The following DDR1 variants were observed in gnomAD, a reference collection of about 807,000 sequenced individuals.
The protein encoded by DDR1 is epithelial discoidin domain-containing receptor 1.
A neutral mutation model predicts 97.4 loss-of-function variants in DDR1; 64 were observed. That is an observed-to-expected ratio of 0.66 (90% CI 0.54 to 0.81). The LOEUF is 0.81. Ranked by LOEUF, DDR1 falls within the 30% of genes least tolerant of loss-of-function variation. The probability of loss-of-function intolerance (pLI) is 0.00; values close to 1 mark genes in which losing one functional copy is unlikely to be tolerated. For synonymous variants in DDR1, 458 were observed against 503.7 expected, an observed-to-expected ratio of 0.91 and a Z score of 1.21; for missense variants, 990 against 1,259.6, an observed-to-expected ratio of 0.79 and a Z score of 3.24.
rs764775490 is a variant in DDR1, at chr6:30,899,006, C to T, written c.2570C>T (p.Ala857Val). 2.2e-5 allele frequency: 35 copies of T among 1,613,738 alleles called. No homozygotes were observed. The highest frequency in any genetic ancestry group is 1.6e-4 in the Middle Eastern group (1 of 6,082). ...ACCGACGAGCAGGTCATCGAGAACG[C>T]GGGGGAGTTCTTCCGGGACCAGGGC... ...QLTDEQVIENAGEFFRDQGRQ... is the reference protein window; with the variant it reads ...QLTDEQVIENVGEFFRDQGRQ... The change falls in exon 17 of 18, where the codon GCG (alanine) becomes GTG (valine). Residue 857 changes from alanine to valine, a missense_variant. Physicochemically the swap from Ala to Val is moderately conservative, Grantham distance 64. Transcript: ENST00000376568.
At chr6:30,885,321 C>G in intron 1 of DDR1, 2 of 1,478,694 alleles carry the variant, frequency 1.4e-6, no homozygotes, top group Non-Finnish European at 1.8e-6. Flanking sequence ...GAGGCAGGCG[C>G]CCAAGCTCGC....
Position 30,888,591 on chromosome 6 carries a change from C to T in DDR1, c.-42-97C>T, listed in dbSNP as rs1220306939. 35 of 1,327,714 alleles carry T rather than the reference C, an allele frequency of 2.6e-5. No homozygotes were observed. The highest frequency in any genetic ancestry group is 7.1e-6 in the Non-Finnish European group (7 of 979,788). 82.2% of individuals were successfully genotyped at this position (1,327,714 alleles called of 1,614,324 possible). On this transcript the variant is annotated intron_variant, in intron 1 of 17. Coordinates refer to ENST00000376568, the MANE Select transcript of DDR1 (RefSeq NM_001297654.2). This position sits in a 1 kb window ranked among gnomAD's most constrained non-coding sequence, Gnocchi z 4.2. The stretch of plus-strand genomic sequence containing the variant: ...AACAATGACTGTTGTTGTTGTTTTA[C>T]TGTTATTATCCCCAAAGCGGCCCAT...
Position 30,890,776 on chromosome 6 carries a change from C to T in DDR1, c.418-197C>T, listed in dbSNP as rs1344387671. 1.5e-5 allele frequency: 8 copies of T among 538,668 alleles called. No homozygotes were observed. Among genetic ancestry groups the T allele is most frequent in the East Asian group, 3.2e-5 (1 of 30,860 alleles). The allele number at this position is 538,668 out of a possible 1,614,324, so 33.4% of individuals were successfully genotyped here. On this transcript the variant is annotated intron_variant, in intron 4 of 17. Transcript: ENST00000376568. The surrounding 1 kb of genome is among the most constrained non-coding windows in gnomAD (Gnocchi z 5.0). ...GTCTGAGGATGGAACATCAGAGCTG[C>T]GACAGAGCCAGAGGTCTCAGCTGCA...
chr6:30,885,022 G>T, intron 1 of DDR1: 1 of 582,398 alleles, frequency 1.7e-6, no homozygotes. Context: ...CTCCTGTGCA[G>T]CCCCACTGAG....
chr6:30,892,031 C>G lies in DDR1; in HGVS notation c.695C>G (p.Ala232Gly). The G allele has an allele frequency of 6.2e-7, 1 of 1,614,052 alleles. No homozygotes were observed. The highest frequency in any genetic ancestry group is 8.5e-7 in the Non-Finnish European group (1 of 1,179,974). Reference sequence around the variant, plus strand: ...CAGTATGGGGGTCTGGGCCAGCTGGCAGATGGTGTGGTGGGGCTGGATGAC... The same window carrying G: ...CAGTATGGGGGTCTGGGCCAGCTGGGAGATGGTGTGGTGGGGCTGGATGAC... ...GLQYGGLGQL[A>G]DGVVGLDDFR... is the part of the protein sequence containing the mutation. Residue 232 changes from alanine to glycine, a missense_variant, in exon 7 of 18, where the codon GCA becomes GGA. Transcript: ENST00000376568.
In DDR1 at chr6:30,891,811, C is replaced by T. The variant is rs1358817748; in HGVS notation, c.666-191C>T. ...GTGCTGGATGTGACCTGCAAGGTAC[C>T]TGTAGTGCTGGGGTGGGGTGGAGAG... is the stretch of plus-strand genomic sequence containing the variant. On this transcript the variant is annotated intron_variant, in intron 6 of 17. Coordinates refer to ENST00000376568, the MANE Select transcript of DDR1 (RefSeq NM_001297654.2). The surrounding 1 kb of genome is among the most constrained non-coding windows in gnomAD (Gnocchi z 5.3). Among the ~76,000 whole-genome samples, 1 of 152,028 alleles carries T rather than the reference C, an allele frequency of 6.6e-6. No homozygotes were observed. The highest frequency in any genetic ancestry group is 2.4e-5 in the African/African-American group (1 of 41,360).
chr6:30,891,869 G>A lies in DDR1; in HGVS notation c.666-133G>A. ...GGGCCAGCTGCATGAGTGTGAGGTG[G>A]GATGGGAATGGGACTAGTGGATGGG... On this transcript the variant is annotated intron_variant, in intron 6 of 17. Transcript: ENST00000376568. The surrounding 1 kb of genome is among the most constrained non-coding windows in gnomAD (Gnocchi z 5.3). 1.1e-6 allele frequency: 1 copy of A among 935,466 alleles called. No individual in the cohort carries two copies. The highest frequency in any genetic ancestry group is 1.7e-6 in the Non-Finnish European group (1 of 593,380). The allele number at this position is 935,466 out of a possible 1,614,324, so 57.9% of individuals were successfully genotyped here. A position where few individuals can be genotyped will look rare whatever the true frequency, so the allele number is the denominator to read the frequency against.
At position 30,897,183 on chromosome 6, in the gene DDR1, C is replaced by T. The variant is rs750044086; in HGVS notation, c.1997+42C>T. ...GCATCTGGAAGAAGGGAGGGGAGGC[C>T]GTGAAGAGTGGGGAGCCATCTAGAG... On this transcript the variant is annotated intron_variant, in intron 14 of 17. Transcript: ENST00000376568. This position sits in a 1 kb window ranked among gnomAD's most constrained non-coding sequence, Gnocchi z 5.2. The T allele has an allele frequency of 2.4e-5, 39 of 1,607,244 alleles. 1 individual carries two copies. The African/African-American group carries it at 3.0e-4, about 12-fold the overall frequency.
Position 30,897,086 on chromosome 6 carries a change from C to T in DDR1, c.1942C>T (p.His648Tyr), listed in dbSNP as rs1271211178. 1 of 1,613,904 alleles carries T rather than the reference C, an allele frequency of 6.2e-7. No individual in the cohort carries two copies. Among genetic ancestry groups the T allele is most frequent in the African/African-American group, 1.3e-5 (1 of 74,964 alleles). ...TTTCCCCCTTAATGTGCGTAAGGGA[C>T]ACCCTTTGCTGGTAGCTGTCAAGAT... is the stretch of plus-strand genomic sequence containing the variant. ...LDFPLNVRKGHPLLVAVKILR... is the reference protein window; with the variant it reads ...LDFPLNVRKGYPLLVAVKILR... Residue 648 changes from histidine (H) to tyrosine (Y), a missense_variant, in exon 14 of 18, where the codon CAC becomes TAC. Physicochemically the swap from His to Tyr is moderately conservative, Grantham distance 83. Coordinates refer to ENST00000376568, the MANE Select transcript of DDR1 (RefSeq NM_001297654.2). This position sits in a 1 kb window ranked among gnomAD's most constrained non-coding sequence, Gnocchi z 5.2.
At position 30,899,449 on chromosome 6, in the gene DDR1, C is replaced by CTG; in HGVS notation, c.*153_*154insTG. 2.1e-6 allele frequency: 2 copies of CTG among 940,222 alleles called. No homozygotes were observed. Among genetic ancestry groups the CTG allele is most frequent in the Non-Finnish European group, 1.5e-6 (1 of 649,562 alleles). 58.2% of individuals were successfully genotyped at this position (940,222 alleles called of 1,614,324 possible). A position where few individuals can be genotyped will look rare whatever the true frequency, so the allele number is the denominator to read the frequency against. On this transcript the variant is annotated 3_prime_UTR_variant, in exon 18 of 18. Coordinates refer to ENST00000376568, the MANE Select transcript of DDR1 (RefSeq NM_001297654.2). ...GAGACTGCAGGTGGGCTGGGCCCAC[C>CTG]CAGGGAGCTGATGCCCCTTCTCCCC...
Position 30,888,742 on chromosome 6 carries a change from G to A in DDR1, c.13G>A (p.Ala5Thr), listed in dbSNP as rs1225801001. 2.5e-6 allele frequency: 4 copies of A among 1,612,764 alleles called. No individual in the cohort carries two copies. In the South Asian group the frequency reaches 3.3e-5, roughly 13 times the overall value. The change falls in exon 2 of 18, where the codon GCC (alanine) becomes ACC (threonine). Residue 5 changes from alanine to threonine, a missense_variant. Transcript: ENST00000376568. The surrounding 1 kb of genome is among the most constrained non-coding windows in gnomAD (Gnocchi z 4.2). ...GGGATCAGGAGCTATGGGACCAGAG[G>A]CCCTGTCATCTTTACTGCTGCTGCT... MGPE[A>T]LSSLLLLLLV...
chr6:30,896,822 G>A lies in DDR1; in HGVS notation c.1826G>A (p.Arg609Gln), dbSNP rs527938479. 3.8e-6 allele frequency: 6 copies of A among 1,590,866 alleles called. No individual in the cohort carries two copies. Among genetic ancestry groups the A allele is most frequent in the South Asian group, 2.3e-5 (2 of 87,552 alleles). The part of the protein sequence containing the change: ...GPPRVDFPRS[R>Q]LRFKEKLGEG... ...CCCAGAGTGGATTTCCCTCGATCTC[G>A]ACTCCGCTTCAAGGAGAAGCTTGGC... is the stretch of plus-strand genomic sequence containing the variant. The change falls in exon 13 of 18, where the codon CGA becomes CAA. Residue 609 changes from arginine (R) to glutamine (Q), a missense_variant. Coordinates refer to ENST00000376568, the MANE Select transcript of DDR1 (RefSeq NM_001297654.2).
intron 12 of DDR1, 25 bp from the exon 13 acceptor site, chr6:30,896,596 G>C (rs748951724): frequency 6.2e-7 from 1 of 1,604,558 alleles, no homozygotes; most frequent in African/African-American, 1.3e-5. Context: ...GCCTCGTCCT[G>C]TCTTCTTTCC....
Position 30,899,442 on chromosome 6 carries a change from G to A in DDR1, c.*146G>A. On this transcript the variant is annotated 3_prime_UTR_variant, in exon 18 of 18. Coordinates refer to ENST00000376568, the MANE Select transcript of DDR1 (RefSeq NM_001297654.2). ...AGGCAGTGAGACTGCAGGTGGGCTG[G>A]GCCCACCCAGGGAGCTGATGCCCCT... 4 of 1,008,456 alleles carry A rather than the reference G, an allele frequency of 4.0e-6. No homozygotes were observed. Among genetic ancestry groups the A allele is most frequent in the Non-Finnish European group, 4.2e-6 (3 of 710,198 alleles). 62.5% of individuals were successfully genotyped at this position (1,008,456 alleles called of 1,614,324 possible). A position where few individuals can be genotyped will look rare whatever the true frequency, so the allele number is the denominator to read the frequency against.
In DDR1 at chr6:30,897,116, C is replaced by CGGCCAGATGCCACCAAGA; in HGVS notation, c.1973_1990dup (p.Arg658_Lys663dup). The CGGCCAGATGCCACCAAGA allele has an allele frequency of 6.2e-7, 1 of 1,613,818 alleles. No homozygotes were observed. Among genetic ancestry groups the CGGCCAGATGCCACCAAGA allele is most frequent in the Non-Finnish European group, 8.5e-7 (1 of 1,179,930 alleles). Reference sequence around the variant, plus strand: ...TTTGCTGGTAGCTGTCAAGATCTTACGGCCAGATGCCACCAAGAATGCCAG... The same window carrying CGGCCAGATGCCACCAAGA: ...TTTGCTGGTAGCTGTCAAGATCTTACGGCCAGATGCCACCAAGAGGCCAGATGCCACCAAGAATGCCAG... On this transcript the variant is annotated inframe_insertion, in exon 14 of 18. Transcript: ENST00000376568. The surrounding 1 kb of genome is among the most constrained non-coding windows in gnomAD (Gnocchi z 5.2).
Position 30,891,877 on chromosome 6 carries a change from A to C in DDR1, c.666-125A>C. On this transcript the variant is annotated intron_variant, in intron 6 of 17. Coordinates refer to ENST00000376568, the MANE Select transcript of DDR1 (RefSeq NM_001297654.2). This position sits in a 1 kb window ranked among gnomAD's most constrained non-coding sequence, Gnocchi z 5.3. ...TGCATGAGTGTGAGGTGGGATGGGA[A>C]TGGGACTAGTGGATGGGAGCCAGGC... is the stretch of plus-strand genomic sequence containing the variant. 1.0e-6 allele frequency: 1 copy of C among 1,004,282 alleles called. No individual in the cohort carries two copies. The highest frequency in any genetic ancestry group is 1.5e-6 in the Non-Finnish European group (1 of 651,846). The allele number at this position is 1,004,282 out of a possible 1,614,324, so 62.2% of individuals were successfully genotyped here. A position where few individuals can be genotyped will look rare whatever the true frequency, so the allele number is the denominator to read the frequency against.
In DDR1 at chr6:30,894,627, G is replaced by C. The variant is rs368547620; in HGVS notation, c.1469G>C (p.Arg490Pro). ...CCCCCGTACCAGGAGCCCCGGCCTCGTGGGAATCCGCCCCACTCCGCTCCC... is the reference window on the plus strand; with the variant it reads ...CCCCCGTACCAGGAGCCCCGGCCTCCTGGGAATCCGCCCCACTCCGCTCCC... The part of the protein sequence containing the change: ...EPPPYQEPRP[R>P]GNPPHSAPCV... Residue 490 changes from arginine to proline, a missense_variant, in exon 11 of 18, where the codon CGT becomes CCT. Coordinates refer to ENST00000376568, the MANE Select transcript of DDR1 (RefSeq NM_001297654.2). The surrounding 1 kb of genome is among the most constrained non-coding windows in gnomAD (Gnocchi z 5.7). 2 of 1,611,988 alleles carry C rather than the reference G, an allele frequency of 1.2e-6. No individual in the cohort carries two copies. Among genetic ancestry groups the C allele is most frequent in the South Asian group, 1.1e-5 (1 of 90,700 alleles).
rs2150307891 is a variant in DDR1 at position 30,889,651 on chromosome 6, C to T, written c.417+221C>T. ...TAATAGATGGGGTCTTGCTGTGTTG[C>T]CCAGGCTGGTCTTGAACTCCTGGGC... On this transcript the variant is annotated intron_variant, in intron 4 of 17. Coordinates refer to ENST00000376568, the MANE Select transcript of DDR1 (RefSeq NM_001297654.2). This position sits in a 1 kb window ranked among gnomAD's most constrained non-coding sequence, Gnocchi z 4.9. Among the ~76,000 whole-genome samples the T allele has an allele frequency of 6.6e-6, 1 of 151,574 alleles. No homozygotes were observed. Among genetic ancestry groups the T allele is most frequent in the South Asian group, 2.1e-4 (1 of 4,810 alleles).
In DDR1 at chr6:30,897,688, G is replaced by A; in HGVS notation, c.2216+91G>A. 2 of 1,090,994 alleles carry A rather than the reference G, an allele frequency of 1.8e-6. No homozygotes were observed. Among genetic ancestry groups the A allele is most frequent in the Admixed American group, 2.3e-5 (1 of 44,402 alleles). The allele number at this position is 1,090,994 out of a possible 1,614,324, so 67.6% of individuals were successfully genotyped here. On this transcript the variant is annotated intron_variant, in intron 15 of 17. Coordinates refer to ENST00000376568, the MANE Select transcript of DDR1 (RefSeq NM_001297654.2). This position sits in a 1 kb window ranked among gnomAD's most constrained non-coding sequence, Gnocchi z 5.2. ...CTTCAGCCTGGAGGAAAAGAGGGGA[G>A]CGTGGGGGTGGGAAGGGAGAGAGGT...
Sources: gnomAD v4.1 joint callset for allele counts (sites outside exome capture counted in the v4.1 genomes callset) on GRCh38, gnomAD v4.1.1 for gene constraint, Gnocchi (gnomAD v3.1) non-coding constraint, MANE v1.5 for transcripts, NCBI Gene and HGNC (gene_info 2026-07-23, HGNC 2026-07-21) for gene names.